Variants in GFAP observed in about 807,000 individuals in gnomAD.
The protein encoded by GFAP is glial fibrillary acidic protein, also known as intermediate filament protein.
GFAP carries 38 observed loss-of-function variants against 49.3 expected under a neutral mutation model. That is an observed-to-expected ratio of 0.77 (90% CI 0.60 to 1.01). The LOEUF (loss-of-function observed/expected upper bound fraction) is 1.01. GFAP is among the 50% of genes least tolerant of loss of function. GFAP has a pLI of 0.00. For synonymous variants in GFAP, 222 were observed against 236.4 expected (o/e 0.94, Z 0.56); for missense variants, 463 against 579.1 (o/e 0.80, Z 2.06).
rs1597850526 is a variant in GFAP, at chr17:44,905,279, G to A, written c.*2068C>T. 1 of 583,740 alleles carries A rather than the reference G, an allele frequency of 1.7e-6. No individual in the cohort carries two copies. The highest frequency in any genetic ancestry group is 2.2e-5 in the South Asian group (1 of 45,228). The allele number at this position is 583,740 out of a possible 1,614,324, so 36.2% of individuals were successfully genotyped here. On this transcript the variant is annotated 3_prime_UTR_variant, in exon 9 of 9. Transcript: ENST00000588735. ...AGGCTGGTGGGAGATTGGGGACTGA[G>A]CTCAGGATGGAAGTAGGGCACATGT...
chr17:44,911,685 G>T lies in GFAP; in HGVS notation c.893C>A (p.Ser298Tyr). The stretch of plus-strand genomic sequence containing the variant: ...GGCCGCGCTCACCGTGCCGCGCAGA[G>T]ACTCCAGGTCGCAGGTCAAGGACTG... ...QLQSLTCDLE[S>Y]LRGTNESLER... The change falls in exon 5 of 9, where the codon TCT becomes TAT. Residue 298 changes from serine (S) to tyrosine (Y), a missense_variant. Physicochemically the swap from Ser to Tyr is moderately radical, Grantham distance 144. Transcript: ENST00000588735. 6.2e-7 allele frequency: 1 copy of T among 1,613,390 alleles called. No individual in the cohort carries two copies. The highest frequency in any genetic ancestry group is 1.1e-5 in the South Asian group (1 of 91,078).
chr17:44,913,450 CGGTACCAGGGCTCAG>C lies in GFAP; in HGVS notation c.619-35_619-21del, dbSNP rs533105572. On this transcript the variant is annotated intron_variant, in intron 3 of 8. Transcript: ENST00000588735. ...AACCTCCTGACCAGGGTGAGAGAAG[CGGTACCAGGGCTCAG>C]GGTACAGGCCACAGCTGGGGTTCCC... is the stretch of plus-strand genomic sequence containing the variant. 2.2e-3 allele frequency: 3,575 copies of C among 1,612,654 alleles called. 5 individuals are homozygous for C. The highest frequency in any genetic ancestry group is 2.8e-3 in the Non-Finnish European group (3,275 of 1,179,456).
intron 4 of GFAP, 58 bp from the exon 5 acceptor site, chr17:44,911,855 G>T (rs2051779317): frequency 5.1e-6 from 8 of 1,573,272 alleles, no homozygotes; most frequent in Non-Finnish European, 5.2e-6. Flanking sequence ...ACGGGCTCTG[G>T]GAAATCAGGG....
In GFAP at chr17:44,913,401, G is replaced by C. The variant is rs2051820324; in HGVS notation, c.648C>G (p.Ala216=). 6.2e-7 allele frequency: 1 copy of C among 1,614,160 alleles called. No individual in the cohort carries two copies. The highest frequency in any genetic ancestry group is 2.2e-5 in the East Asian group (1 of 44,876). The change falls in exon 4 of 9, where the codon GCC becomes GCG. Residue 216 remains alanine, a synonymous_variant. Transcript: ENST00000588735. The part of the protein sequence containing the change: ...EEVRELQEQL[A]RQQVHVELDV... ...CAAGCTCCACATGGACCTGCTGTCG[G>C]GCCAGCTGCTCCTGGAGTTCCCGAA...
chr17:44,912,697 G>T (rs375722971), intron 4 of GFAP: 10 of 165,928 alleles, frequency 6.0e-5, no homozygotes, highest in Admixed American at 2.3e-4. Flanking sequence ...TGTCTTTCCT[G>T]GCTCCCACAC....
intron 7 of GFAP, chr17:44,910,156 T>A: frequency 1.2e-6 from 2 of 1,613,696 alleles, no homozygotes; most frequent in Admixed American, 3.3e-5. Flanking sequence ...GCCGGCGGCG[T>A]TCCATTTACA....
intron 8 of GFAP, chr17:44,907,805 T>G (rs2051675489): frequency 1.7e-6 from 1 of 588,804 alleles, no homozygotes; most frequent in Non-Finnish European, 3.1e-6. Flanking sequence ...GCCCCCGAGT[T>G]TGAGGGTGAG....
chr17:44,903,964 C>T lies in GFAP; in HGVS notation c.*3383G>A, dbSNP rs779413472. On this transcript the variant is annotated 3_prime_UTR_variant, in exon 9 of 9. Transcript: ENST00000588735. Reference sequence around the variant, plus strand: ...TGTTTGAAAATGCAGCCTACCTGGCCGACATGAGCTTTGAGCTTCCCTGTC... The same window carrying T: ...TGTTTGAAAATGCAGCCTACCTGGCTGACATGAGCTTTGAGCTTCCCTGTC... 7.7e-6 allele frequency: 12 copies of T among 1,550,468 alleles called. No individual in the cohort carries two copies. The highest frequency in any genetic ancestry group is 3.9e-5 in the Admixed American group (2 of 50,988).
chr17:44,910,687 C>T (rs1396696992), intron 6 of GFAP, 29 bp from the exon 7 acceptor site: 6 of 1,578,210 alleles, frequency 3.8e-6, no homozygotes, highest in Middle Eastern at 3.5e-4. Flanking sequence ...AGAGGGCTGC[C>T]CGGGCTGCCT....
intron 7 of GFAP, 90 bp from the exon 8 acceptor site, chr17:44,908,239 C>T (rs1415577648): frequency 4.6e-6 from 4 of 876,180 alleles, no homozygotes; most frequent in African/African-American, 1.6e-5. Flanking sequence ...CACCCCCCTC[C>T]CCATCATGAG....
chr17:44,913,804 A>T lies in GFAP; in HGVS notation c.542T>A (p.Leu181Gln), dbSNP rs1209012791. 1.2e-6 allele frequency: 2 copies of T among 1,614,136 alleles called. No individual in the cohort carries two copies. The change falls in exon 3 of 9, where the codon CTG becomes CAG. Residue 181 changes from leucine (L) to glutamine (Q), a missense_variant. This residue lies in a region of GFAP where 362 missense variants were observed against 445.5 expected (regional missense o/e 0.81). Coordinates refer to ENST00000588735, the MANE Select transcript of GFAP (RefSeq NM_002055.5). ...AYRQEADEAT[L>Q]ARLDLERKIE... ...CTTCCTCTCCAGATCCAGACGGGCC[A>T]GGGTGGCTTCATCTGCTTCCTGGAG...
At chr17:44,913,174 T>A in intron 4 of GFAP, 95 bp downstream of exon 4, 1 of 1,234,740 alleles carries the variant, frequency 8.1e-7, no homozygotes, top group Non-Finnish European at 1.2e-6. Context: ...GGAGAGGATA[T>A]TCTCCCAGCT....
Position 44,911,261 on chromosome 17 carries a change from T to G in GFAP, c.1102A>C (p.Lys368Gln), listed in dbSNP as rs756735782. 7 of 1,613,988 alleles carry G rather than the reference T, an allele frequency of 4.3e-6. No individual in the cohort carries two copies. In the East Asian group the frequency reaches 1.6e-4, roughly 36 times the overall value. The change falls in exon 6 of 9, where the codon AAG becomes CAG. Residue 368 changes from lysine to glutamine, a missense_variant. This residue lies in a region of GFAP where 362 missense variants were observed against 445.5 expected (regional missense o/e 0.81). Coordinates refer to ENST00000588735, the MANE Select transcript of GFAP (RefSeq NM_002055.5). ...ALDIEIATYR[K>Q]LLEGEENRIT... is the part of the protein sequence containing the mutation. ...CGGTTCTCCTCGCCCTCTAGCAGCTTCCTGTAGGTGGCGATCTCGATGTCC... is the reference window on the plus strand; with the variant it reads ...CGGTTCTCCTCGCCCTCTAGCAGCTGCCTGTAGGTGGCGATCTCGATGTCC...
intron 1 of GFAP, chr17:44,914,636 C>G: frequency 3.6e-6 from 1 of 279,356 alleles, no homozygotes; most frequent in Non-Finnish European, 6.9e-6. Context: ...AATCCAATCT[C>G]CCTCATGGAC....
Position 44,903,954 on chromosome 17 carries a change from C to T in GFAP, c.*3393G>A. ...GCTTTCCTGATGTTTGAAAATGCAG[C>T]CTACCTGGCCGACATGAGCTTTGAG... On this transcript the variant is annotated 3_prime_UTR_variant, in exon 9 of 9. Coordinates refer to ENST00000588735, the MANE Select transcript of GFAP (RefSeq NM_002055.5). The T allele has an allele frequency of 6.4e-7, 1 of 1,550,610 alleles. No individual in the cohort carries two copies. The highest frequency in any genetic ancestry group is 1.2e-5 in the South Asian group (1 of 84,062).
At chr17:44,911,500 T>G (rs1436554040) in intron 5 of GFAP, 44 bp from the exon 6 acceptor site, 2 of 1,565,028 alleles carry the variant, frequency 1.3e-6, no homozygotes, top group South Asian at 1.2e-5. Flanking sequence ...CCGACCCGAC[T>G]TGGGGAGGTT....
At chr17:44,911,818 G>C (rs2051777785) in intron 4 of GFAP, 21 bp from the exon 5 acceptor site, 2 of 1,608,022 alleles carry the variant, frequency 1.2e-6, no homozygotes, top group Non-Finnish European at 1.7e-6. Flanking sequence ...GACACATATG[G>C]GGGGCTGTGT....
At position 44,913,526 on chromosome 17, in the gene GFAP, C is replaced by A. The variant is rs62065770; in HGVS notation, c.619-96G>T. On this transcript the variant is annotated intron_variant, in intron 3 of 8. Transcript: ENST00000588735. The stretch of plus-strand genomic sequence containing the variant: ...TGTCCTCTTCTGCCTGCCCCTCGGC[C>A]AGGAGTTCGAATGCTCTCTTGTCTC... The A allele has an allele frequency of 0.031, 42,296 of 1,363,358 alleles. 823 individuals are homozygous for A. The highest frequency in any genetic ancestry group is 0.042 in the Admixed American group (2,372 of 55,896). 84.5% of individuals were successfully genotyped at this position (1,363,358 alleles called of 1,614,324 possible).
At position 44,906,644 on chromosome 17, in the gene GFAP, C is replaced by T. The variant is rs2051656680; in HGVS notation, c.*703G>A. The T allele has an allele frequency of 6.5e-6, 1 of 152,918 alleles. No individual in the cohort carries two copies. Among genetic ancestry groups the T allele is most frequent in the South Asian group, 2.1e-4 (1 of 4,846 alleles). The allele number at this position is 152,918 out of a possible 1,614,324, so 9.5% of individuals were successfully genotyped here. ...TCTGGGATCTGGGCAGGTGACTGCC[C>T]CAGGTGGCAGGACGTCCCCACCCAT... On this transcript the variant is annotated 3_prime_UTR_variant, in exon 9 of 9. Transcript: ENST00000588735.
Sources: gnomAD v4.1 joint callset for allele counts on GRCh38, gnomAD v4.1.1 for gene constraint, gnomAD v4.1.1 regional missense constraint, MANE v1.5 for transcripts, NCBI Gene and HGNC (gene_info 2026-07-23, HGNC 2026-07-21) for gene names.